FTO: variants seen among roughly 807,000 people sequenced by gnomAD.
FTO encodes FTO alpha-ketoglutarate dependent dioxygenase.
In FTO, 47 loss-of-function variants were observed where a neutral mutation model predicts 63.9. That is an observed-to-expected ratio of 0.74 (90% confidence interval 0.58 to 0.94). FTO has a LOEUF of 0.94. Among genes scored for constraint, FTO ranks in the 40% least tolerant of loss-of-function variants. FTO has a pLI of 0.00. For synonymous variants in FTO, 207 were observed against 224.4 expected (o/e 0.92, Z 0.69); for missense variants, 562 against 618.1 (o/e 0.91, Z 0.96).
chr16:54,021,796 G>A (rs1472848204), intron 8 of FTO, among the ~76,000 whole-genome samples: 1 of 152,058 alleles, frequency 6.6e-6, no homozygotes, highest in Non-Finnish European at 1.5e-5. Context: ...CTTGGGTGGT[G>A]TGATTCTTAT....
intron 6 of FTO, 102 bp downstream of exon 6, chr16:53,880,089 G>A: frequency 1.2e-6 from 1 of 830,244 alleles, no homozygotes; most frequent in Non-Finnish European, 2.0e-6. Context: ...CCATCTCCCA[G>A]GTTCAAGTGA....
chr16:54,084,354 AG>A (rs749919114), intron 8 of FTO, among the ~76,000 whole-genome samples: 5 of 152,302 alleles, frequency 3.3e-5, no homozygotes, highest in Middle Eastern at 3.4e-3. Context: ...ATGTGTTTCT[AG>A]AGATGGAGTT....
intron 8 of FTO, among the ~76,000 whole-genome samples, chr16:53,988,957 AT>A (rs34814352): frequency 0.11 from 17,330 of 152,144 alleles, 1,249 homozygotes; most frequent in Admixed American, 0.25. Flanking sequence ...TCAGAAAACC[AT>A]TTTTTGGGAG....
intron 7 of FTO, among the ~76,000 whole-genome samples, chr16:53,899,114 T>C (rs1310552185): frequency 6.6e-6 from 1 of 152,232 alleles, no homozygotes; most frequent in African/African-American, 2.4e-5. Flanking sequence ...TTAACTTCTT[T>C]TTAAAAACAA....
chr16:53,811,191 G>A (rs2078511092), intron 2 of FTO, among the ~76,000 whole-genome samples: 1 of 152,142 alleles, frequency 6.6e-6, no homozygotes, highest in Non-Finnish European at 1.5e-5. Context: ...CTCTCCCAAA[G>A]GAAAATCAGA....
intron 1 of FTO, among the ~76,000 whole-genome samples, chr16:53,794,311 G>A (rs886080755): frequency 1.3e-5 from 2 of 152,176 alleles, no homozygotes; most frequent in African/African-American, 4.8e-5. Flanking sequence ...CATAGGAATG[G>A]CAGATATAAT....
At chr16:54,077,990 C>T (rs890926545) in intron 8 of FTO, among the ~76,000 whole-genome samples, 10 of 152,054 alleles carry the variant, frequency 6.6e-5, no homozygotes, top group South Asian at 2.1e-4. Flanking sequence ...TTTAGCTCCC[C>T]GGCCCCACCC....
intron 8 of FTO, among the ~76,000 whole-genome samples, chr16:54,103,864 A>G (rs976478412): frequency 1.3e-5 from 2 of 152,200 alleles, no homozygotes; most frequent in Non-Finnish European, 2.9e-5. Context: ...TCGCTATAAC[A>G]GATTATTTGG....
intron 1 of FTO, among the ~76,000 whole-genome samples, chr16:53,735,398 G>A (rs969316968): frequency 2.0e-5 from 3 of 152,180 alleles, no homozygotes; most frequent in Non-Finnish European, 4.4e-5. Flanking sequence ...CAGTAGATAT[G>A]GGGAAGGCAC....
Position 54,121,274 on chromosome 16 carries a change from C to T in FTO, c.*9359C>T, listed in dbSNP as rs1427579090. Reference sequence around the variant, plus strand: ...ATCGTGCCTATTAAGCAATTAACGTCATGTCTAGTACTTAGTAATGACTCA... The same window carrying T: ...ATCGTGCCTATTAAGCAATTAACGTTATGTCTAGTACTTAGTAATGACTCA... On this transcript the variant is annotated 3_prime_UTR_variant, in exon 9 of 9. Coordinates refer to ENST00000471389, the MANE Select transcript of FTO (RefSeq NM_001080432.3). 1.3e-5 allele frequency: 2 copies of T among 152,194 alleles called. No homozygotes were observed. Among genetic ancestry groups the T allele is most frequent in the African/African-American group, 4.8e-5 (2 of 41,458 alleles). 9.4% of individuals were successfully genotyped at this position (152,194 alleles called of 1,614,324 possible).
intron 7 of FTO, among the ~76,000 whole-genome samples, chr16:53,896,314 G>C (rs1489734138): frequency 6.6e-6 from 1 of 150,718 alleles, no homozygotes; most frequent in African/African-American, 2.5e-5. Flanking sequence ...ATTTCATCTA[G>C]GGTTTTTTTT....
At chr16:54,026,502 G>GAAAA (rs1567525507) in intron 8 of FTO, among the ~76,000 whole-genome samples, 1 of 152,190 alleles carries the variant, frequency 6.6e-6, no homozygotes, top group African/African-American at 2.4e-5. Context: ...ATAGGTAAGG[G>GAAAA]AAAACTGAGA....
chr16:54,074,754 G>C (rs770761894), intron 8 of FTO, among the ~76,000 whole-genome samples: 1 of 151,856 alleles, frequency 6.6e-6, no homozygotes, highest in African/African-American at 2.4e-5. Flanking sequence ...TTGAATTACC[G>C]AGCCAAGGAT....
At chr16:54,003,412 T>C (rs1185316604) in intron 8 of FTO, among the ~76,000 whole-genome samples, 1 of 152,270 alleles carries the variant, frequency 6.6e-6, no homozygotes, top group Admixed American at 6.5e-5. Context: ...CACCCACTTA[T>C]ATTTGATTAT....
chr16:54,109,291 G>T (rs2144626465), intron 8 of FTO, among the ~76,000 whole-genome samples: 1 of 152,320 alleles, frequency 6.6e-6, no homozygotes, highest in Admixed American at 6.5e-5. Context: ...GAGCTTGCAT[G>T]CAAAGGAGCC....
intron 1 of FTO, among the ~76,000 whole-genome samples, chr16:53,759,711 A>G (rs1229168936): frequency 1.1e-4 from 16 of 150,120 alleles, no homozygotes; most frequent in African/African-American, 3.0e-4. Flanking sequence ...AAAAAAAAAA[A>G]AAAAAGAAAA....
chr16:54,020,128 T>C (rs1193773862), intron 8 of FTO, among the ~76,000 whole-genome samples: 1 of 152,190 alleles, frequency 6.6e-6, no homozygotes, highest in Non-Finnish European at 1.5e-5. Context: ...GAAGAAAACA[T>C]GTTCCTGGAT....
Position 53,994,980 on chromosome 16 carries a change from C to T in FTO, c.1364+60871C>T, listed in dbSNP as rs1015770905. Among the ~76,000 whole-genome samples, 8 of 152,262 alleles carry T rather than the reference C, an allele frequency of 5.3e-5. No individual in the cohort carries two copies. The East Asian group carries it at 5.8e-4, about 11-fold the overall frequency. On this transcript the variant is annotated intron_variant, in intron 8 of 8. Transcript: ENST00000471389. ...AACTCCTGACCTCAAGTGATCCGCC[C>T]GTCTCGGCCTCCTCTTAAGAGGTAT...
chr16:53,724,755 G>A (rs766038385), intron 1 of FTO, among the ~76,000 whole-genome samples: 7 of 152,150 alleles, frequency 4.6e-5, no homozygotes, highest in Non-Finnish European at 8.8e-5. Context: ...CTACATGAAA[G>A]GATGAAGTGG....
Sources: allele counts gnomAD v4.1 joint callset (sites outside exome capture counted in the v4.1 genomes callset), GRCh38; gene constraint gnomAD v4.1.1; transcripts MANE v1.5; gene names NCBI Gene and HGNC (gene_info 2026-07-23, HGNC 2026-07-21).